MUCL1: variants seen among roughly 807,000 people sequenced by gnomAD.
The protein encoded by MUCL1 is mucin like 1, also known as mucin-like protein 1.
A neutral mutation model predicts 9.2 loss-of-function variants in MUCL1; 11 were observed. That is an observed-to-expected ratio of 1.19 (90% CI 0.75 to 1.97). MUCL1 has a LOEUF of 1.97. MUCL1 is among the 30% of genes most tolerant of loss of function. The pLI is 0.00. For synonymous variants in MUCL1, 48 were observed against 40.5 expected (o/e 1.19, Z -0.71); for missense variants, 144 against 110.9 (o/e 1.30, Z -1.34).
Position 54,840,351 on chromosome 12 carries a change from A to G in MUCL1, c.43+904A>G, listed in dbSNP as rs139717482. On this transcript the variant is annotated intron_variant, in intron 1 of 3. Coordinates refer to the MUCL1 transcript ENST00000546809. ...GACTCAGGACCTCCTGCTCAGCCAG[A>G]GTGATGCAGACAATGGTAATAGCTG... 1.6e-3 allele frequency among the ~76,000 whole-genome samples: 238 copies of G among 152,330 alleles called. 1 individual carries two copies. The highest frequency in any genetic ancestry group is 1.5e-3 in the Non-Finnish European group (104 of 68,026).
At chr12:54,855,690 G>A (rs1269281959) in intron 2 of MUCL1, among the ~76,000 whole-genome samples, 2 of 152,148 alleles carry the variant, frequency 1.3e-5, no homozygotes, top group African/African-American at 4.8e-5. Flanking sequence ...ACCTGAAAAC[G>A]AAGGTGGTAG....
At chr12:54,853,195 G>C (rs1162923935), upstream of MUCL1, among the ~76,000 whole-genome samples, 1 of 152,190 alleles carries the variant, frequency 6.6e-6, no homozygotes, top group East Asian at 1.9e-4. Flanking sequence ...GGCATACTTT[G>C]TATGAAGAAG....
chr12:54,856,156 T>G (rs1473568655), intron 2 of MUCL1, among the ~76,000 whole-genome samples: 1 of 152,226 alleles, frequency 6.6e-6, no homozygotes. Context: ...TCCTGTTATA[T>G]CTAATGTGGC....
chr12:54,832,312 G>T (rs917359691), intron 1 of MUCL1, among the ~76,000 whole-genome samples: 1 of 151,880 alleles, frequency 6.6e-6, no homozygotes, highest in Non-Finnish European at 1.5e-5. Context: ...TTGGGTGGGG[G>T]GATTATTGGT....
chr12:54,858,159 C>G (rs756454064), intron 3 of MUCL1, 34 bp from the exon 4 acceptor site: 4 of 1,612,084 alleles, frequency 2.5e-6, no homozygotes, highest in Non-Finnish European at 3.4e-6. Flanking sequence ...CATCCTTTGT[C>G]GAAGCCCCTT....
intron 1 of MUCL1, among the ~76,000 whole-genome samples, chr12:54,832,022 C>T (rs368863708): frequency 2.0e-5 from 3 of 151,870 alleles, no homozygotes; most frequent in Middle Eastern, 3.4e-3. Flanking sequence ...AGGAAATATA[C>T]GAGTATGAAG....
intron 2 of MUCL1, 24 bp from the exon 3 acceptor site, chr12:54,856,746 T>G (rs1301931396): frequency 6.3e-7 from 1 of 1,590,216 alleles, no homozygotes; most frequent in Non-Finnish European, 8.6e-7. Context: ...CAGTCTCACC[T>G]AGAGCTTTTC....
upstream of MUCL1, among the ~76,000 whole-genome samples, chr12:54,836,981 A>C (rs1959193830): frequency 6.6e-6 from 1 of 152,222 alleles, no homozygotes; most frequent in South Asian, 2.1e-4. Context: ...AAATATATTG[A>C]CTTGTTTTAT....
At chr12:54,852,126 T>C (rs1490881197), upstream of MUCL1, among the ~76,000 whole-genome samples, 2 of 152,156 alleles carry the variant, frequency 1.3e-5, no homozygotes, top group Non-Finnish European at 2.9e-5. Flanking sequence ...AAGCTACCAA[T>C]GACTTTCTTC....
upstream of MUCL1, among the ~76,000 whole-genome samples, chr12:54,839,170 G>A (rs113005733): frequency 3.9e-5 from 6 of 152,036 alleles, no homozygotes; most frequent in Admixed American, 3.9e-4. Flanking sequence ...GGCTCTGGGT[G>A]CTTTCAAATA....
chr12:54,850,161 A>AT (rs775237095), upstream of MUCL1, among the ~76,000 whole-genome samples: 61 of 150,994 alleles, frequency 4.0e-4, no homozygotes, highest in Middle Eastern at 3.4e-3. Flanking sequence ...ATAACTACTC[A>AT]TTTTTTTTTA....
Position 54,840,815 on chromosome 12 carries a change from G to A in MUCL1, c.43+1368G>A, listed in dbSNP as rs141492123. On this transcript the variant is annotated intron_variant, in intron 1 of 3. Coordinates refer to the MUCL1 transcript ENST00000546809. ...GGGGAGTGGGGAGTAGCAGGTGGCAGTAAACCCCACCCAGCTCCCACGCAT... is the reference window on the plus strand; with the variant it reads ...GGGGAGTGGGGAGTAGCAGGTGGCAATAAACCCCACCCAGCTCCCACGCAT... 3.0e-3 allele frequency among the ~76,000 whole-genome samples: 454 copies of A among 152,238 alleles called. 4 individuals are homozygous for A. The highest frequency in any genetic ancestry group is 0.011 in the African/African-American group (450 of 41,548).
At chr12:54,850,729 T>G (rs183161004), upstream of MUCL1, among the ~76,000 whole-genome samples, 1 of 152,282 alleles carries the variant, frequency 6.6e-6, no homozygotes, top group East Asian at 1.9e-4. Context: ...CTTGAGGAAT[T>G]GCCACACTGA....
chr12:54,841,501 C>G (rs913728064), intron 1 of MUCL1, among the ~76,000 whole-genome samples: 1 of 152,106 alleles, frequency 6.6e-6, no homozygotes, highest in African/African-American at 2.4e-5. Flanking sequence ...CCTCACCAAC[C>G]CTGCCGTACT....
chr12:54,833,447 A>T (rs1959187992), intron 1 of MUCL1, among the ~76,000 whole-genome samples: 2 of 152,124 alleles, frequency 1.3e-5, no homozygotes, highest in Admixed American at 1.3e-4. Context: ...ATTTCAACCC[A>T]TCTGATGATG....
At chr12:54,838,408 G>C (rs1959196923), upstream of MUCL1, among the ~76,000 whole-genome samples, 1 of 152,034 alleles carries the variant, frequency 6.6e-6, no homozygotes, top group African/African-American at 2.4e-5. Context: ...TATATGTCTT[G>C]GTAATGTCTT....
At chr12:54,838,409 G>A (rs1343652516), upstream of MUCL1, among the ~76,000 whole-genome samples, 1 of 152,118 alleles carries the variant, frequency 6.6e-6, no homozygotes, top group African/African-American at 2.4e-5. Flanking sequence ...ATATGTCTTG[G>A]TAATGTCTTT....
upstream of MUCL1, among the ~76,000 whole-genome samples, chr12:54,851,407 C>A (rs1039989498): frequency 6.6e-6 from 1 of 152,126 alleles, no homozygotes; most frequent in African/African-American, 2.4e-5. Context: ...AAGACAAAAA[C>A]CACATGATTA....
At chr12:54,847,375 G>A (rs1959272573) in intron 1 of MUCL1, among the ~76,000 whole-genome samples, 1 of 152,184 alleles carries the variant, frequency 6.6e-6, no homozygotes, top group Non-Finnish European at 1.5e-5. Flanking sequence ...CAGCACTTTG[G>A]GAGGATGAGG....
Sources: gnomAD v4.1 joint callset for allele counts (sites outside exome capture counted in the v4.1 genomes callset) on GRCh38, gnomAD v4.1.1 for gene constraint, MANE v1.5 for transcripts, NCBI Gene and HGNC (gene_info 2026-07-23, HGNC 2026-07-21) for gene names.